The following NUDCD1 variants were observed in gnomAD, a reference collection of about 807,000 sequenced individuals.
NUDCD1 encodes NudC domain containing 1.
A neutral mutation model predicts 67.8 loss-of-function variants in NUDCD1; 60 were observed. The observed-to-expected ratio is 0.88, with a 90% CI of 0.72 to 1.10. The LOEUF is 1.10. Among genes scored for constraint, NUDCD1 ranks in the 50% least tolerant of loss-of-function variants. The pLI is 0.00. For synonymous variants in NUDCD1, 244 were observed against 230.8 expected (o/e 1.06, Z -0.52); for missense variants, 643 against 695.0 (o/e 0.93, Z 0.84).
chr8:109,277,176 A>C (rs1266681345), intron 6 of NUDCD1, among the ~76,000 whole-genome samples: 1 of 152,176 alleles, frequency 6.6e-6, no homozygotes, highest in African/African-American at 2.4e-5. Flanking sequence ...AAAAGTACTG[A>C]GGTTAAGCAA....
intron 2 of NUDCD1, among the ~76,000 whole-genome samples, chr8:109,304,136 C>T (rs1209655390): frequency 1.3e-5 from 2 of 152,164 alleles, no homozygotes; most frequent in Non-Finnish European, 2.9e-5. Context: ...CTCTCCCTAA[C>T]TCATCCCAAC....
In NUDCD1 at chr8:109,279,788, C is replaced by G. The variant is rs533943872; in HGVS notation, c.1028+1180G>C. Among the ~76,000 whole-genome samples the G allele has an allele frequency of 1.3e-4, 20 of 152,100 alleles. 1 individual carries two copies. The highest frequency in any genetic ancestry group is 1.2e-3 in the Admixed American group (19 of 15,282). On this transcript the variant is annotated intron_variant, in intron 6 of 9. Coordinates refer to ENST00000239690, the MANE Select transcript of NUDCD1 (RefSeq NM_032869.4). Reference sequence around the variant, plus strand: ...CTGGGATTACAGGCACCCGCCACCACGCCCAGCTAATTTTTGTGTTTTTAG... The same window carrying G: ...CTGGGATTACAGGCACCCGCCACCAGGCCCAGCTAATTTTTGTGTTTTTAG...
intron 5 of NUDCD1, among the ~76,000 whole-genome samples, chr8:109,282,246 C>A (rs368905463): frequency 6.6e-6 from 1 of 152,120 alleles, no homozygotes; most frequent in Non-Finnish European, 1.5e-5. Flanking sequence ...TTGCCTGAGG[C>A]AATAGAGAGT....
At chr8:109,329,924 T>C (rs969301512) in intron 1 of NUDCD1, 18 of 1,525,772 alleles carry the variant, frequency 1.2e-5, no homozygotes, top group Non-Finnish European at 1.5e-5. Flanking sequence ...TGATAAAGTC[T>C]ATGAAGTACT....
intron 4 of NUDCD1, among the ~76,000 whole-genome samples, chr8:109,291,097 T>C (rs1249420375): frequency 6.6e-6 from 1 of 152,170 alleles, no homozygotes; most frequent in Non-Finnish European, 1.5e-5. Context: ...ATAGGAAGCC[T>C]CAAAAACCGG....
chr8:109,320,398 C>A (rs942055346), intron 2 of NUDCD1, among the ~76,000 whole-genome samples: 1 of 152,190 alleles, frequency 6.6e-6, no homozygotes, highest in African/African-American at 2.4e-5. Flanking sequence ...CGATATTTCT[C>A]CCATTTGCTT....
intron 8 of NUDCD1, among the ~76,000 whole-genome samples, chr8:109,247,833 ATAT>A (rs1453826683): frequency 6.6e-6 from 1 of 152,118 alleles, no homozygotes; most frequent in Non-Finnish European, 1.5e-5. Flanking sequence ...ATTATTTATC[ATAT>A]TATATTAGAT....
intron 5 of NUDCD1, among the ~76,000 whole-genome samples, chr8:109,283,686 A>G (rs1024055171): frequency 5.3e-5 from 8 of 152,220 alleles, no homozygotes; most frequent in African/African-American, 7.2e-5. Flanking sequence ...TATAAGCTTC[A>G]TAAGTGAAAG....
intron 2 of NUDCD1, among the ~76,000 whole-genome samples, chr8:109,312,059 T>C (rs1472842675): frequency 6.6e-6 from 1 of 152,100 alleles, no homozygotes; most frequent in African/African-American, 2.4e-5. Flanking sequence ...TCTCAGCACT[T>C]TGTGGGGCCA....
intron 6 of NUDCD1, among the ~76,000 whole-genome samples, chr8:109,277,084 T>C (rs535599536): frequency 1.3e-5 from 2 of 152,330 alleles, no homozygotes; most frequent in East Asian, 1.9e-4. Context: ...TTAAGCACTT[T>C]ACATGTTTTA....
Position 109,296,461 on chromosome 8 carries a change from TA to T in NUDCD1, c.381del (p.Thr128ProfsTer39). 6.2e-7 allele frequency: 1 copy of T among 1,613,626 alleles called. No homozygotes were observed. Among genetic ancestry groups the T allele is most frequent in the Non-Finnish European group, 8.5e-7 (1 of 1,179,630 alleles). ...ASIHFSSSTW[V>X]TLSDGTGRLY... ...AATCTTCCAGTTCCATCTGACAAGG[TA>T]ACCCAGGTAGAAGATGAGAAATGGA... On this transcript the variant is annotated frameshift_variant, in exon 3 of 10. Transcript: ENST00000239690. LOFTEE classifies it high-confidence loss of function.
chr8:109,297,806 A>T (rs1240146596), intron 2 of NUDCD1, among the ~76,000 whole-genome samples: 1 of 152,234 alleles, frequency 6.6e-6, no homozygotes, highest in African/African-American at 2.4e-5. Flanking sequence ...AAGGTCTATA[A>T]TTTAGAAGAT....
At chr8:109,267,300 T>C (rs1814026001) in intron 8 of NUDCD1, among the ~76,000 whole-genome samples, 1 of 152,144 alleles carries the variant, frequency 6.6e-6, no homozygotes, top group East Asian at 1.9e-4. Context: ...AAGTAGGCTC[T>C]GGTGTCTGTT....
intron 2 of NUDCD1, among the ~76,000 whole-genome samples, chr8:109,306,605 G>A (rs1254347145): frequency 6.7e-6 from 1 of 150,336 alleles, no homozygotes; most frequent in African/African-American, 2.4e-5. Context: ...CCAAAAACTC[G>A]CCAACCAAGC....
chr8:109,256,311 C>A (rs16879267), intron 8 of NUDCD1, among the ~76,000 whole-genome samples: 1,680 of 152,212 alleles, frequency 0.011, 26 homozygotes, highest in African/African-American at 0.038. Context: ...ACATTGGTAG[C>A]AAAATCAAGT....
chr8:109,321,299 T>C (rs1240455977), intron 2 of NUDCD1, among the ~76,000 whole-genome samples: 1 of 152,140 alleles, frequency 6.6e-6, no homozygotes, highest in Non-Finnish European at 1.5e-5. Flanking sequence ...AAACATATGA[T>C]AAAATTAGCT....
At position 109,280,976 on chromosome 8, in the gene NUDCD1, C is replaced by G. The variant is rs190523466; in HGVS notation, c.1020G>C (p.Glu340Asp). 1.0e-5 allele frequency: 16 copies of G among 1,525,626 alleles called. No homozygotes were observed. In the African/African-American group the frequency reaches 2.1e-4, roughly 20 times the overall value. 94.5% of individuals were successfully genotyped at this position (1,525,626 alleles called of 1,614,324 possible). The change falls in exon 6 of 10, where the codon GAG (glutamate) becomes GAC (aspartate). Residue 340 changes from glutamate (E) to aspartate (D), a missense_variant. By Grantham distance (45) the Glu-to-Asp change is conservative (BLOSUM62 2). Coordinates refer to ENST00000239690, the MANE Select transcript of NUDCD1 (RefSeq NM_032869.4). ...DHESSTWIIK[E>D]SNSLEISLIK... ...AAATTAAAAAAAAATACCTATTACT[C>G]TCTTTAATTATCCATGTACTGCTTT...
intron 8 of NUDCD1, among the ~76,000 whole-genome samples, chr8:109,256,468 T>C (rs1006535578): frequency 6.7e-6 from 1 of 148,584 alleles, no homozygotes; most frequent in Non-Finnish European, 1.5e-5. Context: ...CTCAAACACG[T>C]ATCACCTACA....
intron 2 of NUDCD1, among the ~76,000 whole-genome samples, chr8:109,301,986 T>C (rs1165975888): frequency 1.3e-5 from 2 of 152,164 alleles, no homozygotes; most frequent in African/African-American, 2.4e-5. Flanking sequence ...CTTGCCCACA[T>C]TGCAGCCCAG....
Sources: gnomAD v4.1 joint callset for allele counts (sites outside exome capture counted in the v4.1 genomes callset) on GRCh38, gnomAD v4.1.1 for gene constraint, MANE v1.5 for transcripts, NCBI Gene and HGNC (gene_info 2026-07-23, HGNC 2026-07-21) for gene names.